Variants in ACYP2 observed in about 807,000 individuals in gnomAD.
ACYP2 encodes acylphosphatase 2.
A neutral mutation model predicts 11.2 loss-of-function variants in ACYP2; 12 were observed. The observed-to-expected ratio is 1.08, with a 90% CI of 0.69 to 1.74. ACYP2 has a LOEUF of 1.74. ACYP2 is among the 40% of genes most tolerant of loss of function. The pLI, the probability that ACYP2 is intolerant of heterozygous loss-of-function variation, is 0.00. For missense variants in ACYP2, 134 were observed against 101.9 expected (o/e 1.31, Z -1.35); for synonymous variants, 43 against 32.2 (o/e 1.33, Z -1.13).
chr2:54,060,200 T>A (rs1164619472), intron 4 of ACYP2, among the ~76,000 whole-genome samples: 1 of 152,248 alleles, frequency 6.6e-6, no homozygotes, highest in Non-Finnish European at 1.5e-5. Context: ...GAAAATCCTA[T>A]GAGTCAGATG....
intron 6 of ACYP2, among the ~76,000 whole-genome samples, chr2:54,201,642 CTT>C (rs768069057): frequency 2.6e-5 from 2 of 78,252 alleles, no homozygotes; most frequent in Admixed American, 1.2e-4. Context: ...CTTTCTCTTT[CTT>C]TCTTTCTTTC....
At chr2:54,090,437 T>C (rs994048677) in intron 4 of ACYP2, among the ~76,000 whole-genome samples, 6 of 152,166 alleles carry the variant, frequency 3.9e-5, no homozygotes, top group Non-Finnish European at 8.8e-5. Context: ...GAGACCAGCC[T>C]GGCCAATGTT....
At chr2:54,166,041 C>A (rs374106398) in intron 6 of ACYP2, among the ~76,000 whole-genome samples, 3 of 152,282 alleles carry the variant, frequency 2.0e-5, no homozygotes, top group African/African-American at 7.2e-5. Flanking sequence ...TTTAAACAAC[C>A]ATCCAGCAAT....
At chr2:54,111,060 TTC>T (rs1679435298) in intron 4 of ACYP2, among the ~76,000 whole-genome samples, 1 of 152,134 alleles carries the variant, frequency 6.6e-6, no homozygotes, top group South Asian at 2.1e-4. Flanking sequence ...CCAGATGGCC[TTC>T]TTGCTGGGGG....
rs186313800 is a variant in ACYP2 at position 54,140,721 on chromosome 2, C to T, written c.404+1973C>T. Among the ~76,000 whole-genome samples, 134 of 152,156 alleles carry T rather than the reference C, an allele frequency of 8.8e-4. 2 individuals carry two copies. The East Asian group carries it at 0.024, about 27-fold the overall frequency. Reference sequence around the variant, plus strand: ...TTCTTTTTATTGGCTACTTAATATTCCACAATATATAGATTTATTATTACC... The same window carrying T: ...TTCTTTTTATTGGCTACTTAATATTTCACAATATATAGATTTATTATTACC... On this transcript the variant is annotated intron_variant, in intron 6 of 6. Coordinates refer to ENST00000607452, the MANE Select transcript of ACYP2 (RefSeq NM_001320586.2).
At position 53,999,281 on chromosome 2, in the gene ACYP2, A is replaced by G. The variant is rs1672699787; in HGVS notation, c.62+25471A>G. Among the ~76,000 whole-genome samples, 3 of 152,168 alleles carry G rather than the reference A, an allele frequency of 2.0e-5. No homozygotes were observed. The South Asian group carries it at 6.2e-4, about 31-fold the overall frequency. On this transcript the variant is annotated intron_variant, in intron 2 of 6. Transcript: ENST00000607452. ...AGTTTATGAGCCCTCAAATATACAC[A>G]TACAGGGAGATGTCATGAGAGCAAC...
At position 54,014,683 on chromosome 2, in the gene ACYP2, T is replaced by C. The variant is rs200253237; in HGVS notation, c.63-36275T>C. ...CAGCTGGTTGAGTGAGAAATGCTTG[T>C]TCCTTGCAAATAAATGAGCAAACTA... On this transcript the variant is annotated intron_variant, in intron 2 of 6. Transcript: ENST00000607452. 1.1e-4 allele frequency among the ~76,000 whole-genome samples: 16 copies of C among 152,250 alleles called. No homozygotes were observed. In the East Asian group the frequency reaches 1.7e-3, roughly 17 times the overall value.
chr2:54,041,712 C>T (rs1054919123), intron 2 of ACYP2, among the ~76,000 whole-genome samples: 5 of 152,152 alleles, frequency 3.3e-5, no homozygotes, highest in African/African-American at 1.2e-4. Context: ...GTACATGCAA[C>T]ATAATATAAG....
In ACYP2 at chr2:54,197,515, C is replaced by T. The variant is rs1242040869; in HGVS notation, c.404+58767C>T. On this transcript the variant is annotated intron_variant, in intron 6 of 6. Transcript: ENST00000607452. ...TAGTAAGCAACATAGTATCCAAAAC[C>T]AATGCATGCTCTGAGAAGACAGAAC... is the stretch of plus-strand genomic sequence containing the variant. Among the ~76,000 whole-genome samples, 5 of 152,118 alleles carry T rather than the reference C, an allele frequency of 3.3e-5. No homozygotes were observed. In the East Asian group the frequency reaches 5.8e-4, roughly 18 times the overall value.
intron 6 of ACYP2, among the ~76,000 whole-genome samples, chr2:54,292,033 T>C (rs1264883842): frequency 6.6e-6 from 1 of 152,200 alleles, no homozygotes; most frequent in Non-Finnish European, 1.5e-5. Context: ...TTTTGTTTTT[T>C]ACTTTTTAAT....
chr2:54,129,660 A>T (rs7559380), intron 4 of ACYP2, among the ~76,000 whole-genome samples: 64,813 of 149,376 alleles, frequency 0.43, 14,395 homozygotes, highest in South Asian at 0.51. Flanking sequence ...GTATGTCTAC[A>T]TATATATGTG....
chr2:54,215,773 T>C (rs138772786), intron 6 of ACYP2, among the ~76,000 whole-genome samples: 45 of 152,328 alleles, frequency 3.0e-4, no homozygotes, highest in African/African-American at 9.9e-4. Context: ...TCATTACTAA[T>C]GGCTGCAAGA....
chr2:54,280,466 G>C (rs1212750929), intron 6 of ACYP2, among the ~76,000 whole-genome samples: 1 of 152,130 alleles, frequency 6.6e-6, no homozygotes, highest in Admixed American at 6.5e-5. Context: ...ATAAACATGG[G>C]TTCAGATGAA....
At chr2:54,219,005 A>G (rs1467416085) in intron 6 of ACYP2, among the ~76,000 whole-genome samples, 2 of 152,178 alleles carry the variant, frequency 1.3e-5, no homozygotes, top group East Asian at 3.8e-4. Flanking sequence ...TAAATCTTGG[A>G]TGGGAAATCT....
chr2:54,288,735 G>C (rs1689184967), intron 6 of ACYP2, among the ~76,000 whole-genome samples: 1 of 151,986 alleles, frequency 6.6e-6, no homozygotes, highest in South Asian at 2.1e-4. Flanking sequence ...GTGCCTTGTA[G>C]GATCCCACAG....
intron 6 of ACYP2, 107 bp downstream of exon 3, chr2:54,138,855 C>G: frequency 1.2e-6 from 1 of 841,294 alleles, no homozygotes; most frequent in Non-Finnish European, 1.9e-6. Context: ...TGCAGTGGCA[C>G]AATCTCGGCT....
chr2:53,983,990 G>A (rs1220829608), intron 2 of ACYP2, among the ~76,000 whole-genome samples: 2 of 152,060 alleles, frequency 1.3e-5, no homozygotes, highest in African/African-American at 4.8e-5. Context: ...CTGGATGCTG[G>A]GGGTTTATCC....
chr2:54,037,394 C>A (rs1297757815), intron 2 of ACYP2, among the ~76,000 whole-genome samples: 1 of 151,628 alleles, frequency 6.6e-6, no homozygotes, highest in South Asian at 2.1e-4. Flanking sequence ...GGATTACAGG[C>A]ATAAGCCACC....
chr2:54,100,272 G>A (rs1678821352), intron 4 of ACYP2, among the ~76,000 whole-genome samples: 1 of 145,082 alleles, frequency 6.9e-6, no homozygotes, highest in Admixed American at 6.9e-5. Flanking sequence ...GTCAAAGAAT[G>A]TTTCTAGTTT....
Sources: allele counts gnomAD v4.1 joint callset (sites outside exome capture counted in the v4.1 genomes callset), GRCh38; gene constraint gnomAD v4.1.1; transcripts MANE v1.5; gene names NCBI Gene and HGNC (gene_info 2026-07-23, HGNC 2026-07-21).